Variants in PROS1 observed in about 807,000 individuals in gnomAD.
PROS1 encodes vitamin K-dependent protein S.
In PROS1, 29 loss-of-function variants were observed where a neutral mutation model predicts 75.9. That is an observed-to-expected ratio of 0.38 (90% CI 0.28 to 0.52). PROS1 has a LOEUF of 0.52. PROS1 is among the 20% of genes least tolerant of loss of function. The probability of loss-of-function intolerance (pLI) is 0.83; values close to 1 mark genes in which losing one functional copy is unlikely to be tolerated. For missense variants in PROS1, 680 were observed against 810.3 expected, an observed-to-expected ratio of 0.84 and a Z score of 1.95; for synonymous variants, 245 against 280.6, an observed-to-expected ratio of 0.87 and a Z score of 1.27.
chr3:93,969,543 C>T (rs577732306), intron 1 of PROS1, among the ~76,000 whole-genome samples: 114 of 152,256 alleles, frequency 7.5e-4, no homozygotes, highest in African/African-American at 2.7e-3. Context: ...ATGATCAGGG[C>T]CTCCTAGGAA....
intron 1 of PROS1, among the ~76,000 whole-genome samples, chr3:93,970,979 G>A (rs747075662): frequency 2.0e-5 from 3 of 151,060 alleles, no homozygotes; most frequent in African/African-American, 7.3e-5. Context: ...ACTGCACTCC[G>A]GTCTGGGCAA....
chr3:93,874,537 C>G (rs1708155662), intron 14 of PROS1, 132 bp from the exon 15 acceptor site: 1 of 1,240,642 alleles, frequency 8.1e-7, no homozygotes, highest in Non-Finnish European at 1.1e-6. Context: ...TAGTGAAATT[C>G]TATTCCATAA....
At chr3:93,925,630 A>G (rs1709004943) in intron 2 of PROS1, among the ~76,000 whole-genome samples, 1 of 151,918 alleles carries the variant, frequency 6.6e-6, no homozygotes, top group South Asian at 2.1e-4. Context: ...TCGAGCCCAG[A>G]CTGGGCAACA....
At chr3:93,886,237 C>G (rs1460895115) in intron 11 of PROS1, 99 bp downstream of exon 11, 2 of 1,155,046 alleles carry the variant, frequency 1.7e-6, no homozygotes, top group Middle Eastern at 2.1e-4. Context: ...GTATGCTTAA[C>G]AAAACAACTT....
At chr3:93,959,674 C>T (rs968183705) in intron 1 of PROS1, among the ~76,000 whole-genome samples, 4 of 152,196 alleles carry the variant, frequency 2.6e-5, no homozygotes, top group Non-Finnish European at 5.9e-5. Context: ...AGATATATTT[C>T]ATTTTTAGTT....
rs529808079 is a variant in PROS1 at position 93,944,821 on chromosome 3, G to A, written c.77-17414C>T. Among the ~76,000 whole-genome samples, 4 of 152,152 alleles carry A rather than the reference G, an allele frequency of 2.6e-5. No individual in the cohort carries two copies. The East Asian group carries it at 7.7e-4, about 29-fold the overall frequency. On this transcript the variant is annotated intron_variant, in intron 1 of 14. Coordinates refer to ENST00000394236, the MANE Select transcript of PROS1 (RefSeq NM_000313.4). Reference sequence around the variant, plus strand: ...TAACTAAGATCAGAGCAGAACTGAAGGAGATAGAGACACAAAAAACCCTTC... The same window carrying A: ...TAACTAAGATCAGAGCAGAACTGAAAGAGATAGAGACACAAAAAACCCTTC...
chr3:93,896,629 C>T lies in PROS1; in HGVS notation c.912G>A (p.Glu304=), dbSNP rs1271603909. ...AATATAAAACAACCCCTGCAAACTG[C>T]TCCGCCAAGTAAAGTAATTCATACT... The part of the protein sequence containing the change: ...DTKYELLYLA[E]QFAGVVLYLK... Residue 304 remains glutamate (E), a synonymous_variant, in exon 9 of 15, where the codon GAG becomes GAA. Coordinates refer to ENST00000394236, the MANE Select transcript of PROS1 (RefSeq NM_000313.4). 7 of 1,613,738 alleles carry T rather than the reference C, an allele frequency of 4.3e-6. No individual in the cohort carries two copies. The highest frequency in any genetic ancestry group is 1.3e-5 in the African/African-American group (1 of 74,882).
intron 14 of PROS1, among the ~76,000 whole-genome samples, chr3:93,875,905 C>G (rs1439382949): frequency 6.6e-6 from 1 of 152,096 alleles, no homozygotes; most frequent in Non-Finnish European, 1.5e-5. Context: ...CTCTAATTTT[C>G]CATTTAAAGT....
chr3:93,971,729 G>C (rs1709885503), intron 1 of PROS1, among the ~76,000 whole-genome samples: 1 of 151,574 alleles, frequency 6.6e-6, no homozygotes, highest in Non-Finnish European at 1.5e-5. Flanking sequence ...CCATGAGCTC[G>C]GGAGGGGGAG....
chr3:93,942,531 T>C (rs1192770643), intron 1 of PROS1, among the ~76,000 whole-genome samples: 3 of 152,122 alleles, frequency 2.0e-5, no homozygotes, highest in Admixed American at 6.5e-5. Context: ...GCAGCTAGTG[T>C]TCCAACTTCT....
chr3:93,890,737 AC>A (rs1310281425), intron 10 of PROS1, among the ~76,000 whole-genome samples: 1 of 152,242 alleles, frequency 6.6e-6, no homozygotes, highest in Non-Finnish European at 1.5e-5. Context: ...CTAAAAGCTT[AC>A]TGAATAAATG....
chr3:93,921,844 G>A (rs1434082798), intron 3 of PROS1, among the ~76,000 whole-genome samples: 2 of 152,134 alleles, frequency 1.3e-5, no homozygotes, highest in African/African-American at 4.8e-5. Flanking sequence ...GAATGAGAAT[G>A]TGCTTTTGTT....
chr3:93,897,640 A>G (rs1302136952), intron 8 of PROS1, among the ~76,000 whole-genome samples: 1 of 152,078 alleles, frequency 6.6e-6, no homozygotes, highest in African/African-American at 2.4e-5. Context: ...ATTTTTCTGG[A>G]CATATACAGC....
intron 10 of PROS1, among the ~76,000 whole-genome samples, chr3:93,888,192 T>C (rs1156503932): frequency 6.6e-6 from 1 of 152,222 alleles, no homozygotes; most frequent in African/African-American, 2.4e-5. Context: ...GTTTTGTTCA[T>C]ATCTTTACCA....
At chr3:93,903,384 C>G (rs1045868303) in intron 6 of PROS1, among the ~76,000 whole-genome samples, 1 of 152,074 alleles carries the variant, frequency 6.6e-6, no homozygotes, top group African/African-American at 2.4e-5. Context: ...ACAAATTTGG[C>G]CAGGTGTGGT....
At chr3:93,973,636 T>G in intron 1 of PROS1, 38 bp downstream of exon 1, 1 of 1,603,722 alleles carries the variant, frequency 6.2e-7, no homozygotes, top group Non-Finnish European at 8.5e-7. Context: ...CAGTCGACAA[T>G]GCTGGGGAAG....
chr3:93,906,250 A>C (rs771026816), intron 4 of PROS1, 107 bp from the exon 5 acceptor site: 136 of 1,184,990 alleles, frequency 1.1e-4, no homozygotes, highest in Admixed American at 4.3e-4. Flanking sequence ...TGAAAAAAAA[A>C]CACACAACTC....
chr3:93,892,122 G>A (rs1708439326), intron 10 of PROS1, among the ~76,000 whole-genome samples: 1 of 152,054 alleles, frequency 6.6e-6, no homozygotes. Flanking sequence ...TTGAGCCCAG[G>A]AGTTTGAGAC....
chr3:93,956,533 T>TACAC (rs758070649), intron 1 of PROS1, among the ~76,000 whole-genome samples: 75 of 113,334 alleles, frequency 6.6e-4, no homozygotes, highest in African/African-American at 2.4e-3. Context: ...TCTCTCTCTC[T>TACAC]ACACACACAC....
Sources: gnomAD v4.1 joint callset for allele counts (sites outside exome capture counted in the v4.1 genomes callset) on GRCh38, gnomAD v4.1.1 for gene constraint, MANE v1.5 for transcripts, NCBI Gene and HGNC (gene_info 2026-07-23, HGNC 2026-07-21) for gene names.